PDSS1: variants seen among roughly 807,000 people sequenced by gnomAD.
PDSS1 encodes decaprenyl diphosphate synthase subunit 1.
Under a neutral mutation model 57.5 loss-of-function variants are expected in PDSS1, and 43 were observed. The ratio of observed to expected loss-of-function variants is 0.75; its 90% CI spans 0.59 to 0.96. The LOEUF (loss-of-function observed/expected upper bound fraction) is 0.96, where lower values mean the gene tolerates loss of function less well. Ranked by LOEUF, PDSS1 falls within the 50% of genes least tolerant of loss-of-function variation. The pLI, the probability that PDSS1 is intolerant of heterozygous loss-of-function variation, is 0.00. For missense variants in PDSS1, 438 were observed against 527.8 expected, an observed-to-expected ratio of 0.83 and a Z score of 1.67; for synonymous variants, 175 against 191.3, an observed-to-expected ratio of 0.91 and a Z score of 0.70.
chr10:26,733,215 A>G (rs993937749), intron 8 of PDSS1, among the ~76,000 whole-genome samples: 10 of 152,334 alleles, frequency 6.6e-5, no homozygotes, highest in African/African-American at 2.2e-4. Context: ...AGTTATTTCT[A>G]CGTGGAAATA....
intron 8 of PDSS1, chr10:26,734,650 A>T (rs761470801): frequency 3.1e-5 from 14 of 456,130 alleles, no homozygotes; most frequent in Non-Finnish European, 5.7e-5. Context: ...TGAAAGAGCG[A>T]TATCTGTGTC....
chr10:26,705,806 G>T (rs1243894638), intron 4 of PDSS1, among the ~76,000 whole-genome samples: 1 of 152,186 alleles, frequency 6.6e-6, no homozygotes, highest in Non-Finnish European at 1.5e-5. Flanking sequence ...CTTGATTGAC[G>T]TATGGTCAAG....
At chr10:26,723,090 C>T (rs1379264816) in intron 6 of PDSS1, among the ~76,000 whole-genome samples, 1 of 152,090 alleles carries the variant, frequency 6.6e-6, no homozygotes, top group Non-Finnish European at 1.5e-5. Context: ...TCCCCACTGC[C>T]CTGGGAGCAT....
rs1256369820 is a variant in PDSS1, at chr10:26,712,182, G to T, written c.467+2414G>T. On this transcript the variant is annotated intron_variant, in intron 5 of 11. Coordinates refer to ENST00000376215, the MANE Select transcript of PDSS1 (RefSeq NM_014317.5). ...ACGCCCAGCCAATTTTGTGTTTTTA[G>T]TAGAGATAGGATTTCGCCATGTTGG... 6.3e-5 allele frequency among the ~76,000 whole-genome samples: 6 copies of T among 95,962 alleles called. 3 individuals are homozygous for T. The highest frequency in any genetic ancestry group is 2.0e-4 in the African/African-American group (6 of 29,534). 63.0% of individuals were successfully genotyped at this position (95,962 alleles called of 152,430 possible).
intron 1 of PDSS1, among the ~76,000 whole-genome samples, chr10:26,700,358 G>GT (rs889887527): frequency 6.7e-6 from 1 of 149,110 alleles, no homozygotes; most frequent in African/African-American, 2.5e-5. Context: ...AATCCCAACA[G>GT]TTTGGGAGGC....
intron 5 of PDSS1, among the ~76,000 whole-genome samples, chr10:26,716,964 A>G (rs1414818701): frequency 2.0e-5 from 3 of 152,168 alleles, no homozygotes; most frequent in African/African-American, 4.8e-5. Flanking sequence ...CATCTTAAGG[A>G]CAGTGTGAGG....
chr10:26,721,447 C>CACACACACACACAT lies in PDSS1; in HGVS notation c.609+1091_609+1092insCACACACACATACA, dbSNP rs1241556824. Among the ~76,000 whole-genome samples, 16 of 151,912 alleles carry CACACACACACACAT rather than the reference C, an allele frequency of 1.1e-4. No individual in the cohort carries two copies. The South Asian group carries it at 3.3e-3, about 32-fold the overall frequency. ...ATACACACACACACACACACACACA[C>CACACACACACACAT]ACATACATATATATATGTTTATTGT... On this transcript the variant is annotated intron_variant, in intron 6 of 11. Coordinates refer to ENST00000376215, the MANE Select transcript of PDSS1 (RefSeq NM_014317.5).
intron 8 of PDSS1, among the ~76,000 whole-genome samples, chr10:26,727,340 C>CTTTTTT (rs71403885): frequency 4.3e-4 from 43 of 100,644 alleles, no homozygotes; most frequent in African/African-American, 1.6e-3. Flanking sequence ...CTCTCTCTCT[C>CTTTTTT]TTTTTTTTTT....
intron 5 of PDSS1, among the ~76,000 whole-genome samples, chr10:26,719,146 G>A (rs1835698498): frequency 6.6e-6 from 1 of 152,146 alleles, no homozygotes; most frequent in Non-Finnish European, 1.5e-5. Flanking sequence ...TGGAATAAGT[G>A]CAACATTTGG....
rs1240558166 is a variant in PDSS1, at chr10:26,746,619, T to TA, written c.*147dup. ...TATTGATGGGCAATTTATTTTTTTT[T>TA]ATTGCAAAAGTTTTTTCAGAAAACT... On this transcript the variant is annotated 3_prime_UTR_variant, in exon 12 of 12. Coordinates refer to ENST00000376215, the MANE Select transcript of PDSS1 (RefSeq NM_014317.5). 2.3e-6 allele frequency: 2 copies of TA among 865,242 alleles called. No individual in the cohort carries two copies. The highest frequency in any genetic ancestry group is 1.7e-5 in the African/African-American group (1 of 58,532). 53.6% of individuals were successfully genotyped at this position (865,242 alleles called of 1,614,324 possible).
chr10:26,706,798 G>A (rs1835236038), intron 4 of PDSS1, among the ~76,000 whole-genome samples: 1 of 152,092 alleles, frequency 6.6e-6, no homozygotes, highest in African/African-American at 2.4e-5. Context: ...TAAATCCAAT[G>A]GATGTGTTAC....
intron 1 of PDSS1, among the ~76,000 whole-genome samples, chr10:26,700,835 A>C (rs1835030964): frequency 1.3e-5 from 2 of 152,128 alleles, no homozygotes; most frequent in Admixed American, 6.5e-5. Context: ...GATAATTGGT[A>C]CCAAAGTAGT....
At position 26,697,953 on chromosome 10, in the gene PDSS1, G is replaced by C. The variant is rs149192748; in HGVS notation, c.129+113G>C. 0.014 allele frequency: 14,419 copies of C among 1,012,220 alleles called. 114 individuals carry two copies. Among genetic ancestry groups the C allele is most frequent in the Non-Finnish European group, 0.016 (13,050 of 800,256 alleles). 62.7% of individuals were successfully genotyped at this position (1,012,220 alleles called of 1,614,324 possible). ...CGTGCGTCGCGACGCGGGGGCGCGC[G>C]GGGTAGCTCCGGGGTAGCTCCGGGG... On this transcript the variant is annotated intron_variant, in intron 1 of 11. Coordinates refer to ENST00000376215, the MANE Select transcript of PDSS1 (RefSeq NM_014317.5).
At position 26,746,607 on chromosome 10, in the gene PDSS1, TTTA is replaced by T; in HGVS notation, c.*137_*139del. The T allele has an allele frequency of 1.1e-6, 1 of 924,512 alleles. No homozygotes were observed. Among genetic ancestry groups the T allele is most frequent in the Non-Finnish European group, 1.6e-6 (1 of 607,864 alleles). The allele number at this position is 924,512 out of a possible 1,614,324, so 57.3% of individuals were successfully genotyped here. ...AGATATCAAACTTATTGATGGGCAA[TTTA>T]TTTTTTTTTATTGCAAAAGTTTTTT... On this transcript the variant is annotated 3_prime_UTR_variant, in exon 12 of 12. Coordinates refer to ENST00000376215, the MANE Select transcript of PDSS1 (RefSeq NM_014317.5).
At chr10:26,738,388 G>A (rs938137350) in intron 10 of PDSS1, among the ~76,000 whole-genome samples, 1 of 152,164 alleles carries the variant, frequency 6.6e-6, no homozygotes, top group Non-Finnish European at 1.5e-5. Context: ...ACAAGTCTAA[G>A]ACCAGTATTC....
intron 8 of PDSS1, among the ~76,000 whole-genome samples, chr10:26,733,682 T>C (rs1329018672): frequency 5.5e-4 from 84 of 152,136 alleles, no homozygotes; most frequent in Non-Finnish European, 4.0e-4. Flanking sequence ...TTATTTGTAA[T>C]AATAGCAAAC....
At chr10:26,718,220 T>G (rs1835663163) in intron 5 of PDSS1, 1 of 152,080 alleles carries the variant, frequency 6.6e-6, no homozygotes, top group Non-Finnish European at 1.5e-5. Context: ...TCTTTGTATT[T>G]TAAGTAGAGT....
intron 11 of PDSS1, among the ~76,000 whole-genome samples, chr10:26,745,855 GAAA>G (rs936396248): frequency 3.6e-4 from 53 of 148,660 alleles, no homozygotes; most frequent in Non-Finnish European, 3.4e-4. Flanking sequence ...CAAAAAAAAA[GAAA>G]AAAGAAAAAA....
chr10:26,742,745 A>G lies in PDSS1; in HGVS notation c.1107+168A>G, dbSNP rs73596307. 0.016 allele frequency among the ~76,000 whole-genome samples: 2,453 copies of G among 152,250 alleles called. 56 individuals are homozygous for G. The highest frequency in any genetic ancestry group is 0.056 in the African/African-American group (2,334 of 41,544). On this transcript the variant is annotated intron_variant, in intron 11 of 11. Transcript: ENST00000376215. ...GGAAAACTCATTTTTCTGATTTTTT[A>G]TTTTCATTTCTCTTCTAGACTACTT...
Sources: gnomAD v4.1 joint callset for allele counts (sites outside exome capture counted in the v4.1 genomes callset) on GRCh38, gnomAD v4.1.1 for gene constraint, MANE v1.5 for transcripts, NCBI Gene and HGNC (gene_info 2026-07-23, HGNC 2026-07-21) for gene names.